The following TGFBR1 variants were observed in gnomAD, a reference collection of about 807,000 sequenced individuals.
TGFBR1 encodes the protein TGF-beta receptor type-1.
TGFBR1 carries 20 observed loss-of-function variants against 55.1 expected under a neutral mutation model. That is an observed-to-expected ratio of 0.36 (90% CI 0.26 to 0.53). The LOEUF (loss-of-function observed/expected upper bound fraction) is 0.53. Ranked by LOEUF, TGFBR1 falls within the 20% of genes least tolerant of loss-of-function variation. TGFBR1 has a pLI of 0.91. For missense variants in TGFBR1, 385 were observed against 617.6 expected, an observed-to-expected ratio of 0.62 and a Z score of 3.99; for synonymous variants, 220 against 214.8, an observed-to-expected ratio of 1.02 and a Z score of -0.21.
At position 99,142,622 on chromosome 9, in the gene TGFBR1, A is replaced by G. The variant is rs764452904; in HGVS notation, c.892A>G (p.Thr298Ala). Reference protein sequence around the residue: ...LFDYLNRYTVTVEGMIKLALS... With the variant: ...LFDYLNRYTVAVEGMIKLALS... Reference sequence around the variant, plus strand: ...TGATTACTTAAACAGATACACAGTTACTGTGGAAGGAATGATAAAACTTGC... The same window carrying G: ...TGATTACTTAAACAGATACACAGTTGCTGTGGAAGGAATGATAAAACTTGC... The change falls in exon 5 of 9, where the codon ACT becomes GCT. Residue 298 changes from threonine (T) to alanine (A), a missense_variant. Transcript: ENST00000374994. 2.5e-6 allele frequency: 4 copies of G among 1,614,078 alleles called. No homozygotes were observed. The highest frequency in any genetic ancestry group is 1.3e-5 in the African/African-American group (1 of 75,052).
In TGFBR1 at chr9:99,152,731, A is replaced by C. The variant is rs199858917; in HGVS notation, c.*3426A>C. On this transcript the variant is annotated 3_prime_UTR_variant, in exon 9 of 9. Coordinates refer to ENST00000374994, the MANE Select transcript of TGFBR1 (RefSeq NM_004612.4). The stretch of plus-strand genomic sequence containing the variant: ...CTGGCTCCAAATGGTAGTGATTCCA[A>C]ATAATGGTTCTGTTAACACTTTGGC... 3 of 227,490 alleles carry C rather than the reference A, an allele frequency of 1.3e-5. No homozygotes were observed. Among genetic ancestry groups the C allele is most frequent in the African/African-American group, 4.4e-5 (2 of 45,006 alleles). 14.1% of individuals were successfully genotyped at this position (227,490 alleles called of 1,614,324 possible). A position where few individuals can be genotyped will look rare whatever the true frequency, so the allele number is the denominator to read the frequency against.
chr9:99,127,668 CCT>C (rs996015244), intron 1 of TGFBR1: 10 of 323,256 alleles, frequency 3.1e-5, no homozygotes, highest in African/African-American at 8.8e-5. Flanking sequence ...CTATCCTGCC[CCT>C]GTCTGCCTAG....
intron 1 of TGFBR1, among the ~76,000 whole-genome samples, chr9:99,125,435 A>G (rs1187951921): frequency 6.6e-6 from 1 of 152,238 alleles, no homozygotes; most frequent in Non-Finnish European, 1.5e-5. Context: ...CTACAATTAT[A>G]TTTACTGCTA....
chr9:99,122,814 T>C (rs1441428482), intron 1 of TGFBR1, among the ~76,000 whole-genome samples: 1 of 152,124 alleles, frequency 6.6e-6, no homozygotes, highest in Non-Finnish European at 1.5e-5. Flanking sequence ...GCAAGGGAGC[T>C]ATCAAGACAA....
rs145033378 is a variant in TGFBR1, at chr9:99,128,964, C to T, written c.207C>T (p.Ser69=). The part of the protein sequence containing the change: ...TETTDKVIHN[S]MCIAEIDLIP... ...CCACAGACAAAGTTATACACAACAG[C>T]ATGTGTATAGCTGAAATTGACTTAA... Residue 69 remains serine, a synonymous_variant, in exon 2 of 9, where the codon AGC becomes AGT. Transcript: ENST00000374994. 1.8e-4 allele frequency: 288 copies of T among 1,613,824 alleles called. No homozygotes were observed. Among genetic ancestry groups the T allele is most frequent in the Admixed American group, 5.3e-4 (32 of 59,964 alleles).
At chr9:99,119,992 GT>G (rs1826851835) in intron 1 of TGFBR1, among the ~76,000 whole-genome samples, 1 of 152,192 alleles carries the variant, frequency 6.6e-6, no homozygotes, top group South Asian at 2.1e-4. Flanking sequence ...AGAAATACTT[GT>G]TGAAAAAGTG....
chr9:99,105,716 T>A (rs948583097), intron 1 of TGFBR1, among the ~76,000 whole-genome samples: 1 of 152,024 alleles, frequency 6.6e-6, no homozygotes, highest in Non-Finnish European at 1.5e-5. Context: ...GGCGTGACCT[T>A]GTTCTGGGGA....
At position 99,149,992 on chromosome 9, in the gene TGFBR1, G is replaced by T. The variant is rs1827934847; in HGVS notation, c.*687G>T. 5.3e-6 allele frequency: 1 copy of T among 188,984 alleles called. No homozygotes were observed. The highest frequency in any genetic ancestry group is 1.1e-5 in the Non-Finnish European group (1 of 89,806). The allele number at this position is 188,984 out of a possible 1,614,324, so 11.7% of individuals were successfully genotyped here. On this transcript the variant is annotated 3_prime_UTR_variant, in exon 9 of 9. Transcript: ENST00000374994. ...CTTTCTAATGGAAATGAGTAGAATT[G>T]CTGAAAGTCTCTATGTTAAAACCTA... is the stretch of plus-strand genomic sequence containing the variant.
chr9:99,107,547 TCTC>T lies in TGFBR1; in HGVS notation c.97+2251_97+2253del, dbSNP rs568537067. Among the ~76,000 whole-genome samples, 974 of 152,328 alleles carry T rather than the reference TCTC, an allele frequency of 6.4e-3. 10 individuals carry two copies. Among genetic ancestry groups the T allele is most frequent in the Non-Finnish European group, 9.8e-3 (665 of 68,018 alleles). ...CTCTTCTATGAATGCCTCTTGAATG[TCTC>T]CTCCTTTCTTGGTATGCAGCCTTCA... On this transcript the variant is annotated intron_variant, in intron 1 of 8. Transcript: ENST00000374994.
At chr9:99,143,060 GA>G (rs569737969) in intron 5 of TGFBR1, among the ~76,000 whole-genome samples, 4 of 149,318 alleles carry the variant, frequency 2.7e-5, no homozygotes, top group African/African-American at 4.9e-5. Flanking sequence ...CCCTGTCTCA[GA>G]AAAAAAAACA....
chr9:99,120,619 T>A (rs542443594), intron 1 of TGFBR1, among the ~76,000 whole-genome samples: 132 of 152,356 alleles, frequency 8.7e-4, no homozygotes, highest in African/African-American at 3.0e-3. Context: ...CTTTCATTTA[T>A]GATTGTATAA....
intron 4 of TGFBR1, among the ~76,000 whole-genome samples, chr9:99,138,313 A>G (rs1827504641): frequency 1.3e-5 from 2 of 152,214 alleles, no homozygotes; most frequent in African/African-American, 2.4e-5. Flanking sequence ...AATGTTTTAT[A>G]AAATATAAAA....
chr9:99,147,837 A>G, intron 8 of TGFBR1, 53 bp downstream of exon 8: 1 of 1,607,816 alleles, frequency 6.2e-7, no homozygotes, highest in South Asian at 1.1e-5. Context: ...TCTGCTTAGT[A>G]AGCAAAAGTT....
chr9:99,108,667 G>C (rs1826481788), intron 1 of TGFBR1, among the ~76,000 whole-genome samples: 1 of 152,030 alleles, frequency 6.6e-6, no homozygotes, highest in African/African-American at 2.4e-5. Flanking sequence ...AACTGTCCTG[G>C]GGCCTACTCC....
chr9:99,132,244 CG>C (rs1827253157), intron 2 of TGFBR1, among the ~76,000 whole-genome samples: 1 of 152,058 alleles, frequency 6.6e-6, no homozygotes. Context: ...ATGATATTGG[CG>C]GCAGTTGGCC....
Position 99,146,628 on chromosome 9 carries a change from C to T in TGFBR1, c.1255+19C>T. On this transcript the variant is annotated intron_variant, in intron 7 of 8. Transcript: ENST00000374994. ...ATTGGTGGTAAATTGCTCTCCTCTC[C>T]CCCAGTAGTTTGTCATGAGCAGAAG... The T allele has an allele frequency of 6.2e-7, 1 of 1,613,750 alleles. No individual in the cohort carries two copies. Among genetic ancestry groups the T allele is most frequent in the Non-Finnish European group, 8.5e-7 (1 of 1,179,756 alleles).
At chr9:99,124,892 A>G (rs918223256) in intron 1 of TGFBR1, among the ~76,000 whole-genome samples, 7 of 152,180 alleles carry the variant, frequency 4.6e-5, no homozygotes, top group African/African-American at 1.7e-4. Context: ...GGAGAAGTAC[A>G]GAGTGTATTT....
chr9:99,137,989 C>G lies in TGFBR1; in HGVS notation c.705C>G (p.Ser235=), dbSNP rs1325342802. Residue 235 remains serine (S), a synonymous_variant, in exon 4 of 9, where the codon TCC becomes TCG. Coordinates refer to ENST00000374994, the MANE Select transcript of TGFBR1 (RefSeq NM_004612.4). The stretch of plus-strand genomic sequence containing the variant: ...AAGAAGTTGCTGTTAAGATATTCTC[C>G]TCTAGAGAAGAACGTTCGTGGTTCC... ...RGEEVAVKIF[S]SREERSWFRE... The G allele has an allele frequency of 3.1e-6, 5 of 1,614,056 alleles. No homozygotes were observed. Among genetic ancestry groups the G allele is most frequent in the Non-Finnish European group, 4.2e-6 (5 of 1,179,964 alleles).
intron 1 of TGFBR1, among the ~76,000 whole-genome samples, chr9:99,114,971 C>T (rs1429129094): frequency 6.6e-6 from 1 of 152,124 alleles, no homozygotes; most frequent in Non-Finnish European, 1.5e-5. Flanking sequence ...TGTGGCCCTA[C>T]TGTACTGGTC....
Sources: gnomAD v4.1 joint callset for allele counts (sites outside exome capture counted in the v4.1 genomes callset) on GRCh38, gnomAD v4.1.1 for gene constraint, MANE v1.5 for transcripts, NCBI Gene and HGNC (gene_info 2026-07-23, HGNC 2026-07-21) for gene names.